Variants in FCRL5 observed in about 807,000 individuals in gnomAD.
The protein encoded by FCRL5 is Fc receptor like 5, also known as Fc receptor-like protein 5.
Under a neutral mutation model 92.1 loss-of-function variants are expected in FCRL5, and 79 were observed. The ratio of observed to expected loss-of-function variants is 0.86; its 90% CI spans 0.72 to 1.03. The LOEUF (loss-of-function observed/expected upper bound fraction) is 1.03, where lower values mean the gene tolerates loss of function less well. Among genes scored for constraint, FCRL5 ranks in the 50% least tolerant of loss-of-function variants. FCRL5 has a pLI of 0.00. For synonymous variants in FCRL5, 466 were observed against 469.3 expected, an observed-to-expected ratio of 0.99 and a Z score of 0.09; for missense variants, 1,160 against 1,181.1, an observed-to-expected ratio of 0.98 and a Z score of 0.26.
Position 157,513,626 on chromosome 1 carries a change from C to T in FCRL5, c.*2049G>A, listed in dbSNP as rs12057647. 6,189 of 152,280 alleles carry T rather than the reference C, an allele frequency of 0.041. 433 individuals are homozygous for T. The highest frequency in any genetic ancestry group is 0.14 in the African/African-American group (5,918 of 41,518). 9.4% of individuals were successfully genotyped at this position (152,280 alleles called of 1,614,324 possible). A position where few individuals can be genotyped will look rare whatever the true frequency, so the allele number is the denominator to read the frequency against. ...TGAGGAAGAATAAGCCCTTTTGTTACATTCAGGCCTTCAACAGACTGGACG... is the reference window on the plus strand; with the variant it reads ...TGAGGAAGAATAAGCCCTTTTGTTATATTCAGGCCTTCAACAGACTGGACG... On this transcript the variant is annotated 3_prime_UTR_variant, in exon 17 of 17. Transcript: ENST00000361835.
chr1:157,548,358 C>G (rs1651652749), intron 2 of FCRL5, among the ~76,000 whole-genome samples: 1 of 150,014 alleles, frequency 6.7e-6, no homozygotes, highest in Non-Finnish European at 1.5e-5. Context: ...CAATACCATT[C>G]AGGACATAGG....
Position 157,550,014 on chromosome 1 carries a change from C to T in FCRL5, c.32-434G>A, listed in dbSNP as rs888876659. Among the ~76,000 whole-genome samples, 5 of 151,704 alleles carry T rather than the reference C, an allele frequency of 3.3e-5. No homozygotes were observed. In the South Asian group the frequency reaches 8.3e-4, roughly 25 times the overall value. On this transcript the variant is annotated intron_variant, in intron 1 of 16. Transcript: ENST00000361835. ...CAGGATGGGTGGATCCTTGAAGGTA[C>T]CTGAAGGAGATGATACTTCACAAAA...
At chr1:157,519,982 C>A (rs554800698) in intron 12 of FCRL5, among the ~76,000 whole-genome samples, 1 of 152,150 alleles carries the variant, frequency 6.6e-6, no homozygotes, top group Non-Finnish European at 1.5e-5. Context: ...GTCCACAATC[C>A]GTAATCCTTT....
At chr1:157,548,071 T>C (rs530717959) in intron 2 of FCRL5, among the ~76,000 whole-genome samples, 57 of 152,350 alleles carry the variant, frequency 3.7e-4, no homozygotes, top group Middle Eastern at 3.4e-3. Context: ...GAGGATCCTA[T>C]CCTGAGTCAA....
chr1:157,551,041 C>G (rs1367123266), intron 1 of FCRL5, among the ~76,000 whole-genome samples: 1 of 152,174 alleles, frequency 6.6e-6, no homozygotes, highest in Non-Finnish European at 1.5e-5. Context: ...ATTTTGGCTT[C>G]CTTCATCTTT....
At chr1:157,522,583 A>G (rs929300969) in intron 10 of FCRL5, 1 of 152,252 alleles carries the variant, frequency 6.6e-6, no homozygotes, top group African/African-American at 2.4e-5. Context: ...GAACCTGGTG[A>G]AGGCTCAGTG....
At chr1:157,545,181 GA>G (rs1558141674) in intron 3 of FCRL5, 99 bp from the exon 4 acceptor site, 3 of 1,274,072 alleles carry the variant, frequency 2.4e-6, no homozygotes, top group Non-Finnish European at 3.2e-6. Context: ...AATGGGTTGG[GA>G]AAAAGAACTC....
At chr1:157,545,925 AG>A (rs1239164662) in intron 3 of FCRL5, among the ~76,000 whole-genome samples, 1 of 152,240 alleles carries the variant, frequency 6.6e-6, no homozygotes. Flanking sequence ...CGGATTGTTA[AG>A]TCAAAGAGTA....
chr1:157,547,111 A>G lies in FCRL5; in HGVS notation c.139T>C (p.Phe47Leu), dbSNP rs1571113147. 1 of 1,614,172 alleles carries G rather than the reference A, an allele frequency of 6.2e-7. No individual in the cohort carries two copies. Among genetic ancestry groups the G allele is most frequent in the Non-Finnish European group, 8.5e-7 (1 of 1,180,018 alleles). The change falls in exon 3 of 17, where the codon TTT (phenylalanine) becomes CTT (leucine). Residue 47 changes from phenylalanine to leucine, a missense_variant. By Grantham distance (22) the Phe-to-Leu change is conservative (BLOSUM62 0). Transcript: ENST00000361835. ...GERVTLTCKG[F>L]RFYSPQKTKW... is the part of the protein sequence containing the mutation. Reference sequence around the variant, plus strand: ...GTTTTCTGTGGTGAGTAGAAGCGAAATCCCTTGCAAGTGAGGGTCACTCTC... The same window carrying G: ...GTTTTCTGTGGTGAGTAGAAGCGAAGTCCCTTGCAAGTGAGGGTCACTCTC...
chr1:157,541,651 T>C lies in FCRL5; in HGVS notation c.1123+1208A>G, dbSNP rs368957937. On this transcript the variant is annotated intron_variant, in intron 6 of 16. Coordinates refer to ENST00000361835, the MANE Select transcript of FCRL5 (RefSeq NM_031281.3). ...ATTTTTTCTCACTTCCCAACTCAGA[T>C]TGGCATGCCTTTCCATCTGCTCCTG... 5.3e-5 allele frequency among the ~76,000 whole-genome samples: 8 copies of C among 152,352 alleles called. No individual in the cohort carries two copies. The East Asian group carries it at 5.8e-4, about 11-fold the overall frequency.
rs776973431 is a variant in FCRL5, at chr1:157,521,341, G to T, written c.2240-49C>A. The T allele has an allele frequency of 2.0e-6, 3 of 1,538,386 alleles. No individual in the cohort carries two copies. In the Middle Eastern group the frequency reaches 5.2e-4, roughly 268 times the overall value. On this transcript the variant is annotated intron_variant, in intron 10 of 16. Coordinates refer to ENST00000361835, the MANE Select transcript of FCRL5 (RefSeq NM_031281.3). ...AGCAGTTTCTGCTTCTAACATATTT[G>T]TAAGAAACAAAAGGTATCATAAACA...
chr1:157,527,970 C>A (rs1650514180), intron 8 of FCRL5, 75 bp from the exon 9 acceptor site: 1 of 1,427,290 alleles, frequency 7.0e-7, no homozygotes, highest in African/African-American at 1.4e-5. Context: ...CCAGAACAAT[C>A]AGACAAGAGA....
intron 8 of FCRL5, 42 bp from the exon 9 acceptor site, chr1:157,527,937 T>C (rs1375328210): frequency 1.8e-5 from 27 of 1,502,640 alleles, no homozygotes; most frequent in Non-Finnish European, 2.3e-5. Context: ...ATTTTTAAAA[T>C]TAGAAACAGC....
At position 157,543,842 on chromosome 1, in the gene FCRL5, A is replaced by C. The variant is rs1158382855; in HGVS notation, c.844+420T>G. ...ATATTTGGAGTAACTATAATGTTGCAACCTGTCTTTGTATCCTACAGAAAT... is the reference window on the plus strand; with the variant it reads ...ATATTTGGAGTAACTATAATGTTGCCACCTGTCTTTGTATCCTACAGAAAT... On this transcript the variant is annotated intron_variant, in intron 5 of 16. Transcript: ENST00000361835. Among the ~76,000 whole-genome samples, 30 of 152,198 alleles carry C rather than the reference A, an allele frequency of 2.0e-4. 1 individual carries two copies.
chr1:157,552,368 C>T lies in FCRL5; in HGVS notation c.-6G>A. 2 of 1,614,052 alleles carry T rather than the reference C, an allele frequency of 1.2e-6. No homozygotes were observed. The highest frequency in any genetic ancestry group is 4.5e-5 in the East Asian group (2 of 44,876). On this transcript the variant is annotated 5_prime_UTR_variant, in exon 1 of 17. Transcript: ENST00000361835. ...AATATCACCCACAGCAGCATGAAGA[C>T]CTGGACCACCAAGGGCTGAGATCAA... is the stretch of plus-strand genomic sequence containing the variant.
intron 7 of FCRL5, among the ~76,000 whole-genome samples, chr1:157,536,709 T>G (rs1330077965): frequency 5.3e-5 from 8 of 152,206 alleles, no homozygotes; most frequent in Non-Finnish European, 7.4e-5. Context: ...TCCAGTTCCT[T>G]GAAAGTGTCC....
In FCRL5 at chr1:157,543,096, C is replaced by A. The variant is rs774176176; in HGVS notation, c.886G>T (p.Ala296Ser). The change falls in exon 6 of 17, where the codon GCT becomes TCT. Residue 296 changes from alanine (A) to serine (S), a missense_variant. Coordinates refer to ENST00000361835, the MANE Select transcript of FCRL5 (RefSeq NM_031281.3). Reference sequence around the variant, plus strand: ...ACCTTGGTTCCCTCAAAATTCAGAGCCTTTTCAGGGCTGAGAGTGAGGACA... The same window carrying A: ...ACCTTGGTTCCCTCAAAATTCAGAGACTTTTCAGGGCTGAGAGTGAGGACA... Reference protein sequence around the residue: ...HPVLTLSPEKALNFEGTKVTL... With the variant: ...HPVLTLSPEKSLNFEGTKVTL... 9.3e-6 allele frequency: 15 copies of A among 1,614,042 alleles called. No individual in the cohort carries two copies. Among genetic ancestry groups the A allele is most frequent in the East Asian group, 4.5e-5 (2 of 44,898 alleles).
At position 157,518,754 on chromosome 1, in the gene FCRL5, G is replaced by A. The variant is rs764922792; in HGVS notation, c.2689C>T (p.Pro897Ser). ...RSPSDSDSQE[P>S]TYHNVPAWEE... Reference sequence around the variant, plus strand: ...CAGGCTGGTACATTGTGATAGGTGGGCTCTTGGGAGTCCGAGTCTGAAGGG... The same window carrying A: ...CAGGCTGGTACATTGTGATAGGTGGACTCTTGGGAGTCCGAGTCTGAAGGG... Residue 897 changes from proline to serine, a missense_variant, in exon 14 of 17, where the codon CCC becomes TCC. By Grantham distance (74) the Pro-to-Ser change is moderately conservative. Transcript: ENST00000361835. The A allele has an allele frequency of 1.4e-5, 23 of 1,613,300 alleles. No individual in the cohort carries two copies. Among genetic ancestry groups the A allele is most frequent in the South Asian group, 9.9e-5 (9 of 90,762 alleles).
intron 8 of FCRL5, among the ~76,000 whole-genome samples, chr1:157,530,890 A>G (rs1650664725): frequency 6.6e-6 from 1 of 152,262 alleles, no homozygotes; most frequent in South Asian, 2.1e-4. Context: ...ATTTTAAGTA[A>G]TAACATATAA....
Sources: gnomAD v4.1 joint callset for allele counts (sites outside exome capture counted in the v4.1 genomes callset) on GRCh38, gnomAD v4.1.1 for gene constraint, MANE v1.5 for transcripts, NCBI Gene and HGNC (gene_info 2026-07-23, HGNC 2026-07-21) for gene names.